The following RABGAP1L variants were observed in gnomAD, a reference collection of about 807,000 sequenced individuals.
The protein encoded by RABGAP1L is rab GTPase-activating protein 1-like.
A neutral mutation model predicts 137.7 loss-of-function variants in RABGAP1L; 63 were observed. That is an observed-to-expected ratio of 0.46 (90% confidence interval 0.37 to 0.56). The LOEUF (loss-of-function observed/expected upper bound fraction) is 0.56. Among genes scored for constraint, RABGAP1L ranks in the 20% least tolerant of loss-of-function variants. The pLI, the probability that RABGAP1L is intolerant of heterozygous loss-of-function variation, is 0.00. For synonymous variants in RABGAP1L, 431 were observed against 433.7 expected, an observed-to-expected ratio of 0.99 and a Z score of 0.08; for missense variants, 1,095 against 1,244.0, an observed-to-expected ratio of 0.88 and a Z score of 1.80.
intron 17 of RABGAP1L, among the ~76,000 whole-genome samples, chr1:174,734,099 A>G (rs772132719): frequency 3.9e-5 from 6 of 152,226 alleles, no homozygotes; most frequent in Non-Finnish European, 8.8e-5. Context: ...TGGAGGAAGA[A>G]CAGGTTTATG....
At chr1:174,580,973 C>T (rs1360753658) in intron 13 of RABGAP1L, among the ~76,000 whole-genome samples, 1 of 152,098 alleles carries the variant, frequency 6.6e-6, no homozygotes, top group Non-Finnish European at 1.5e-5. Flanking sequence ...ATGAAAACCA[C>T]GATGAGATAC....
chr1:174,776,647 A>G (rs920365074), intron 18 of RABGAP1L, among the ~76,000 whole-genome samples: 3 of 152,124 alleles, frequency 2.0e-5, no homozygotes, highest in African/African-American at 7.2e-5. Flanking sequence ...TAGTTCCTAA[A>G]TCTTCTCATT....
intron 19 of RABGAP1L, among the ~76,000 whole-genome samples, chr1:174,894,808 G>A (rs1656863499): frequency 6.6e-6 from 1 of 152,152 alleles, no homozygotes. Flanking sequence ...CCTGGCTGTA[G>A]TGCAGTGACA....
chr1:174,198,964 C>T (rs930210658), intron 1 of RABGAP1L, among the ~76,000 whole-genome samples: 22 of 152,102 alleles, frequency 1.4e-4, no homozygotes, highest in Admixed American at 3.3e-4. Flanking sequence ...CAAAATTAGC[C>T]GGGCGTGGTG....
At chr1:174,618,799 T>C (rs6702125) in intron 13 of RABGAP1L, among the ~76,000 whole-genome samples, 3,254 of 152,222 alleles carry the variant, frequency 0.021, 123 homozygotes, top group African/African-American at 0.075. Context: ...AGAATGACTT[T>C]GACGAGTTGA....
intron 13 of RABGAP1L, among the ~76,000 whole-genome samples, chr1:174,601,728 C>T (rs776928521): frequency 6.6e-6 from 1 of 152,134 alleles, no homozygotes; most frequent in Non-Finnish European, 1.5e-5. Context: ...CTTTTATGCT[C>T]TGTTTCCCTT....
chr1:174,587,350 G>A (rs1450276972), intron 13 of RABGAP1L, among the ~76,000 whole-genome samples: 2 of 151,110 alleles, frequency 1.3e-5, no homozygotes, highest in East Asian at 1.9e-4. Context: ...GTTAGATGAC[G>A]AGTTAGTGGG....
chr1:174,578,795 G>A (rs1668544833), intron 13 of RABGAP1L, among the ~76,000 whole-genome samples: 1 of 150,186 alleles, frequency 6.7e-6, no homozygotes, highest in African/African-American at 2.4e-5. Context: ...ATTCTTCTAT[G>A]TTATATTATT....
chr1:174,398,642 AC>A (rs1452337879), intron 13 of RABGAP1L, among the ~76,000 whole-genome samples: 1 of 152,204 alleles, frequency 6.6e-6, no homozygotes, highest in African/African-American at 2.4e-5. Flanking sequence ...GCACCAAACA[AC>A]AACTCCATCT....
At chr1:174,455,284 G>C (rs914331788) in intron 13 of RABGAP1L, among the ~76,000 whole-genome samples, 5 of 151,926 alleles carry the variant, frequency 3.3e-5, no homozygotes, top group African/African-American at 1.2e-4. Context: ...TTCCAAAAAG[G>C]ATATTTTATA....
At chr1:174,824,268 C>T (rs572887864) in intron 19 of RABGAP1L, among the ~76,000 whole-genome samples, 40 of 151,628 alleles carry the variant, frequency 2.6e-4, no homozygotes, top group Non-Finnish European at 4.9e-4. Flanking sequence ...CCAGCCTGGG[C>T]GAAAGAGTAA....
Position 174,522,954 on chromosome 1 carries a change from A to G in RABGAP1L, c.1711-114421A>G, listed in dbSNP as rs569455409. ...CTCCAACACTGAGGATTACTTTTCA[A>G]CATGAGATTTGGGCCAGGATACACA... is the stretch of plus-strand genomic sequence containing the variant. On this transcript the variant is annotated intron_variant, in intron 13 of 25. Coordinates refer to ENST00000681986, the MANE Select transcript of RABGAP1L (RefSeq NM_001366446.1). 9.2e-5 allele frequency among the ~76,000 whole-genome samples: 14 copies of G among 152,308 alleles called. No homozygotes were observed. In the South Asian group the frequency reaches 2.9e-3, roughly 32 times the overall value.
At position 174,210,650 on chromosome 1, in the gene RABGAP1L, TAGAG is replaced by T. The variant is rs1242007094; in HGVS notation, c.-33-8473_-33-8470del. 4.6e-5 allele frequency among the ~76,000 whole-genome samples: 7 copies of T among 152,170 alleles called. No individual in the cohort carries two copies. The South Asian group carries it at 1.5e-3, about 32-fold the overall frequency. ...AAAGTTATTGGCCTTAAAGAGGAGA[TAGAG>T]AAAGATATGGGTAGAAAGTTTATTC... On this transcript the variant is annotated intron_variant, in intron 1 of 25. Transcript: ENST00000681986.
chr1:174,770,852 T>C (rs1462788274), intron 18 of RABGAP1L, among the ~76,000 whole-genome samples: 1 of 152,224 alleles, frequency 6.6e-6, no homozygotes, highest in Non-Finnish European at 1.5e-5. Flanking sequence ...ATTCAACAGA[T>C]ATTCACTATT....
At chr1:174,377,761 T>TCTCTC (rs753770112) in intron 12 of RABGAP1L, among the ~76,000 whole-genome samples, 1 of 103,528 alleles carries the variant, frequency 9.7e-6, no homozygotes, top group Non-Finnish European at 1.8e-5. Context: ...CTGCAACTCT[T>TCTCTC]TTTTTTTTTT....
chr1:174,506,250 G>A (rs929702709), intron 13 of RABGAP1L, among the ~76,000 whole-genome samples: 5 of 152,112 alleles, frequency 3.3e-5, no homozygotes, highest in African/African-American at 1.2e-4. Context: ...ATAATATATT[G>A]TATACTTGAA....
At chr1:174,669,443 C>G (rs779388668) in intron 14 of RABGAP1L, among the ~76,000 whole-genome samples, 27 of 152,154 alleles carry the variant, frequency 1.8e-4, no homozygotes, top group Non-Finnish European at 2.5e-4. Flanking sequence ...TGTCTCTTCA[C>G]TCTGTTGGTT....
At chr1:174,430,070 T>A (rs1652437138) in intron 13 of RABGAP1L, among the ~76,000 whole-genome samples, 1 of 152,180 alleles carries the variant, frequency 6.6e-6, no homozygotes, top group African/African-American at 2.4e-5. Flanking sequence ...AATGAATTAA[T>A]TTGGGCTACT....
intron 17 of RABGAP1L, among the ~76,000 whole-genome samples, chr1:174,745,118 T>A (rs929368784): frequency 6.6e-6 from 1 of 152,226 alleles, no homozygotes; most frequent in Non-Finnish European, 1.5e-5. Flanking sequence ...CCAGATGACT[T>A]CTTTACTCAC....
Sources: gnomAD v4.1 joint callset for allele counts (sites outside exome capture counted in the v4.1 genomes callset) on GRCh38, gnomAD v4.1.1 for gene constraint, MANE v1.5 for transcripts, NCBI Gene and HGNC (gene_info 2026-07-23, HGNC 2026-07-21) for gene names.